Variants in CYP7B1 observed in about 807,000 individuals in gnomAD.
The protein encoded by CYP7B1 is cytochrome P450 family 7 subfamily B member 1.
CYP7B1 carries 29 observed loss-of-function variants against 42.7 expected under a neutral mutation model. That is an observed-to-expected ratio of 0.68 (90% CI 0.51 to 0.93). The LOEUF (loss-of-function observed/expected upper bound fraction) is 0.93. Among genes scored for constraint, CYP7B1 ranks in the 40% least tolerant of loss-of-function variants. The pLI, the probability that CYP7B1 is intolerant of heterozygous loss-of-function variation, is 0.00. For missense variants in CYP7B1, 655 were observed against 600.5 expected (o/e 1.09, Z -0.95); for synonymous variants, 235 against 218.2 (o/e 1.08, Z -0.68).
At chr8:64,623,648 CTGTT>C (rs1805563817) in intron 2 of CYP7B1, among the ~76,000 whole-genome samples, 1 of 152,132 alleles carries the variant, frequency 6.6e-6, no homozygotes, top group African/African-American at 2.4e-5. Flanking sequence ...AGCAATTCTG[CTGTT>C]TTTTTCTTCA....
intron 4 of CYP7B1, 52 bp from the exon 5 acceptor site, chr8:64,604,909 A>T (rs1805257151): frequency 6.3e-7 from 1 of 1,579,258 alleles, no homozygotes; most frequent in African/African-American, 1.4e-5. Flanking sequence ...GGTCCTGAAA[A>T]CTGCTCTCAG....
chr8:64,723,630 G>A (rs1277905951), intron 1 of CYP7B1, among the ~76,000 whole-genome samples: 1 of 152,156 alleles, frequency 6.6e-6, no homozygotes, highest in African/African-American at 2.4e-5. Flanking sequence ...GTATAATCAT[G>A]TTCTAGAAAC....
In CYP7B1 at chr8:64,593,235, GTGTGTGTGTGT is replaced by G. The variant is rs1805064369; in HGVS notation, c.*3396_*3406del. Among the ~76,000 whole-genome samples the G allele has an allele frequency of 8.7e-4, 45 of 51,666 alleles. No homozygotes were observed. Among genetic ancestry groups the G allele is most frequent in the Middle Eastern group, 6.9e-3 (1 of 144 alleles). The allele number at this position is 51,666 out of a possible 152,430, so 33.9% of individuals were successfully genotyped here. Reference sequence around the variant, plus strand: ...TGGACTAAAGGCTAGGGCCCAGGGTGTGTGTGTGTGTGTGTGTGTGTGTGTGTGTGTGTGTG... The same window carrying G: ...TGGACTAAAGGCTAGGGCCCAGGGTGGTGTGTGTGTGTGTGTGTGTGTGTG... On this transcript the variant is annotated 3_prime_UTR_variant, in exon 6 of 6. Transcript: ENST00000310193.
chr8:64,705,785 A>G (rs1806990144), intron 1 of CYP7B1, among the ~76,000 whole-genome samples: 1 of 152,062 alleles, frequency 6.6e-6, no homozygotes, highest in Admixed American at 6.6e-5. Context: ...TTAATTAAAA[A>G]TTTCATCCAG....
intron 4 of CYP7B1, among the ~76,000 whole-genome samples, chr8:64,612,045 T>C (rs964441865): frequency 6.6e-6 from 1 of 152,186 alleles, no homozygotes; most frequent in African/African-American, 2.4e-5. Context: ...ATCAAGCTTA[T>C]TTGCAATTGA....
rs757503820 is a variant in CYP7B1 at position 64,771,047 on chromosome 8, CTTTTTTTT to C, written c.122+27411_122+27418del. On this transcript the variant is annotated intron_variant, in intron 1 of 5. Transcript: ENST00000310193. ...AATCTCAAGAGTGGGATATCAGCAT[CTTTTTTTT>C]TTTTTTTTTTTTTTTTTTTTTTTTT... Among the ~76,000 whole-genome samples, 172 of 42,484 alleles carry C rather than the reference CTTTTTTTT, an allele frequency of 4.0e-3. 1 individual carries two copies. The highest frequency in any genetic ancestry group is 0.012 in the African/African-American group (139 of 12,008). 27.9% of individuals were successfully genotyped at this position (42,484 alleles called of 152,430 possible).
At chr8:64,639,388 G>A (rs1234872104) in intron 1 of CYP7B1, among the ~76,000 whole-genome samples, 1 of 151,900 alleles carries the variant, frequency 6.6e-6, no homozygotes, top group Admixed American at 6.6e-5. Flanking sequence ...TAAAACTTAG[G>A]GGTGAACATA....
intron 1 of CYP7B1, among the ~76,000 whole-genome samples, chr8:64,653,406 T>C (rs534879113): frequency 6.6e-6 from 1 of 152,190 alleles, no homozygotes; most frequent in Admixed American, 6.5e-5. Flanking sequence ...CTAGATGAGA[T>C]GGATAAATTC....
At chr8:64,698,947 G>A (rs1465639188) in intron 1 of CYP7B1, among the ~76,000 whole-genome samples, 1 of 152,054 alleles carries the variant, frequency 6.6e-6, no homozygotes, top group Non-Finnish European at 1.5e-5. Flanking sequence ...GCAAACACTT[G>A]TAAATAAGCC....
downstream of CYP7B1, chr8:64,587,908 G>T (rs1038735502): frequency 1.3e-5 from 2 of 152,146 alleles, no homozygotes; most frequent in Admixed American, 6.5e-5. Flanking sequence ...GATGGACAAG[G>T]CTCACAAGTC....
intron 1 of CYP7B1, among the ~76,000 whole-genome samples, chr8:64,637,582 C>G (rs1805792095): frequency 6.6e-6 from 1 of 152,118 alleles, no homozygotes; most frequent in African/African-American, 2.4e-5. Flanking sequence ...ATAGAAGGCA[C>G]AGCATCATAT....
chr8:64,597,821 A>C (rs1237103055), intron 5 of CYP7B1, among the ~76,000 whole-genome samples: 1 of 152,194 alleles, frequency 6.6e-6, no homozygotes, highest in African/African-American at 2.4e-5. Context: ...GCTTGCATGG[A>C]AACGACCAAG....
chr8:64,669,273 G>A (rs1197248458), intron 1 of CYP7B1, among the ~76,000 whole-genome samples: 2 of 151,996 alleles, frequency 1.3e-5, no homozygotes, highest in Non-Finnish European at 2.9e-5. Context: ...TAAGTATATC[G>A]TACTGATACA....
At chr8:64,675,927 G>A (rs1195804556) in intron 1 of CYP7B1, among the ~76,000 whole-genome samples, 2 of 152,114 alleles carry the variant, frequency 1.3e-5, no homozygotes, top group Non-Finnish European at 2.9e-5. Context: ...CACCCCCAGG[G>A]GGGTCTCTGA....
chr8:64,681,659 T>C (rs908813634), intron 1 of CYP7B1, among the ~76,000 whole-genome samples: 1 of 152,176 alleles, frequency 6.6e-6, no homozygotes, highest in African/African-American at 2.4e-5. Flanking sequence ...CTCTGGCCCA[T>C]GACCAGCAAG....
intron 1 of CYP7B1, among the ~76,000 whole-genome samples, chr8:64,656,209 C>T (rs577809994): frequency 2.0e-5 from 3 of 152,148 alleles, no homozygotes; most frequent in South Asian, 2.1e-4. Context: ...TAAATCACTA[C>T]CCTAAATTAA....
chr8:64,797,849 T>C (rs1804728651), intron 1 of CYP7B1, among the ~76,000 whole-genome samples: 1 of 152,216 alleles, frequency 6.6e-6, no homozygotes, highest in African/African-American at 2.4e-5. Flanking sequence ...ACAATTCAAA[T>C]TAAAGTGACA....
chr8:64,692,713 T>G (rs1219763279), intron 1 of CYP7B1, among the ~76,000 whole-genome samples: 1 of 152,204 alleles, frequency 6.6e-6, no homozygotes, highest in Non-Finnish European at 1.5e-5. Flanking sequence ...TTATCCATAT[T>G]TTTTATGAGA....
intron 1 of CYP7B1, among the ~76,000 whole-genome samples, chr8:64,626,322 A>AG (rs1383079078): frequency 7.2e-5 from 11 of 152,186 alleles, no homozygotes; most frequent in African/African-American, 2.2e-4. Flanking sequence ...TGTGAACCTG[A>AG]GGGCTCTTGC....
Sources: allele counts gnomAD v4.1 joint callset (sites outside exome capture counted in the v4.1 genomes callset), GRCh38; gene constraint gnomAD v4.1.1; transcripts MANE v1.5; gene names NCBI Gene and HGNC (gene_info 2026-07-23, HGNC 2026-07-21).